PLCE1: variants seen among roughly 807,000 people sequenced by gnomAD.
PLCE1 encodes the protein phospholipase C epsilon 1, also known as 1-phosphatidylinositol 4,5-bisphosphate phosphodiesterase epsilon-1.
In PLCE1, 119 loss-of-function variants were observed where a neutral mutation model predicts 242.8. The ratio of observed to expected loss-of-function variants is 0.49; its 90% CI spans 0.42 to 0.57. The LOEUF is 0.57. Ranked by LOEUF, PLCE1 falls within the 20% of genes least tolerant of loss-of-function variation. The probability of loss-of-function intolerance (pLI) is 0.00; values close to 1 mark genes in which losing one functional copy is unlikely to be tolerated. For missense variants in PLCE1, 2,441 were observed against 2,788.8 expected (o/e 0.88, Z 2.81); for synonymous variants, 945 against 1,017.4 (o/e 0.93, Z 1.35).
intron 2 of PLCE1, chr10:94,104,620 T>A (rs2045658927): frequency 6.6e-6 from 1 of 152,204 alleles, no homozygotes; most frequent in South Asian, 2.1e-4. Context: ...CCAGGATTTA[T>A]TTCTTTTGAT....
chr10:94,063,734 G>C (rs1169696015), intron 2 of PLCE1, among the ~76,000 whole-genome samples: 1 of 152,174 alleles, frequency 6.6e-6, no homozygotes, highest in Non-Finnish European at 1.5e-5. Flanking sequence ...GTTGTGAGAA[G>C]TGTTTGAAGA....
chr10:94,195,927 A>G (rs1360995952), intron 4 of PLCE1, among the ~76,000 whole-genome samples: 1 of 152,172 alleles, frequency 6.6e-6, no homozygotes, highest in Non-Finnish European at 1.5e-5. Context: ...CCCATAAGAT[A>G]AAGAATTAGG....
At chr10:94,168,411 C>G (rs1339333735) in intron 3 of PLCE1, among the ~76,000 whole-genome samples, 2 of 152,186 alleles carry the variant, frequency 1.3e-5, no homozygotes, top group African/African-American at 2.4e-5. Flanking sequence ...GGTATTCCAG[C>G]TTTAAGGAAA....
At chr10:94,029,719 G>A (rs2061519368) in intron 1 of PLCE1, among the ~76,000 whole-genome samples, 2 of 152,270 alleles carry the variant, frequency 1.3e-5, no homozygotes, top group Admixed American at 6.5e-5. Context: ...AGGGGTAGTT[G>A]ATGACTCTTT....
At chr10:94,266,334 A>G (rs894313839) in intron 16 of PLCE1, among the ~76,000 whole-genome samples, 5 of 152,210 alleles carry the variant, frequency 3.3e-5, no homozygotes, top group African/African-American at 7.2e-5. Context: ...GGGAAAGCAT[A>G]GTAGAAAATG....
Position 94,012,599 on chromosome 10 carries a change from A to ACAGGG in PLCE1, c.-364-18075_-364-18071dup, listed in dbSNP as rs531429445. ...GACGGTGCAGCTTCCTCATCACCTC[A>ACAGGG]CAGGGCAGGGCAGTGCAGCAGCTGC... On this transcript the variant is annotated intron_variant, in intron 1 of 32. Transcript: ENST00000371380. Among the ~76,000 whole-genome samples the ACAGGG allele has an allele frequency of 1.0e-3, 155 of 152,188 alleles. 1 individual carries two copies. Among genetic ancestry groups the ACAGGG allele is most frequent in the Admixed American group, 2.6e-3 (40 of 15,292 alleles).
At chr10:94,054,721 G>A (rs1162211779) in intron 2 of PLCE1, among the ~76,000 whole-genome samples, 2 of 152,164 alleles carry the variant, frequency 1.3e-5, no homozygotes, top group African/African-American at 2.4e-5. Context: ...AAAGAAAAAT[G>A]CCGTGTTCAG....
chr10:94,273,234 T>C (rs898901466), intron 18 of PLCE1, among the ~76,000 whole-genome samples: 14 of 152,226 alleles, frequency 9.2e-5, no homozygotes, highest in African/African-American at 3.1e-4. Context: ...AAACTAACCT[T>C]ATTCTACAAA....
At chr10:94,172,537 C>A (rs758689581) in intron 4 of PLCE1, among the ~76,000 whole-genome samples, 1 of 152,128 alleles carries the variant, frequency 6.6e-6, no homozygotes, top group Non-Finnish European at 1.5e-5. Context: ...GTTACATAAA[C>A]ACTTTCTGGC....
chr10:94,172,242 C>T (rs1441419137), intron 4 of PLCE1, among the ~76,000 whole-genome samples: 1 of 152,114 alleles, frequency 6.6e-6, no homozygotes, highest in Non-Finnish European at 1.5e-5. Flanking sequence ...CCATGCAGTA[C>T]TGGGGTTGGG....
At chr10:94,155,738 G>A (rs1276760860) in intron 3 of PLCE1, 2 of 151,822 alleles carry the variant, frequency 1.3e-5, no homozygotes. Flanking sequence ...TGCTGCTGAA[G>A]TGAGCACAAA....
At chr10:94,036,596 C>A (rs2061668316) in intron 2 of PLCE1, among the ~76,000 whole-genome samples, 1 of 152,148 alleles carries the variant, frequency 6.6e-6, no homozygotes, top group East Asian at 1.9e-4. Context: ...GAAATTAAAA[C>A]CCTATCCCTT....
chr10:94,163,977 G>T (rs1156734456), intron 3 of PLCE1, among the ~76,000 whole-genome samples: 1 of 152,054 alleles, frequency 6.6e-6, no homozygotes, highest in Non-Finnish European at 1.5e-5. Flanking sequence ...TTGAATATTG[G>T]CCCCCACTCC....
intron 27 of PLCE1, among the ~76,000 whole-genome samples, chr10:94,309,418 C>T (rs2053311898): frequency 6.6e-6 from 1 of 152,062 alleles, no homozygotes; most frequent in Non-Finnish European, 1.5e-5. Flanking sequence ...GCAGCCTCGA[C>T]CTTCCTGGCT....
rs1294318113 is a variant in PLCE1, at chr10:94,132,158, T to G, written c.1207-16T>G. 2.5e-6 allele frequency: 4 copies of G among 1,612,636 alleles called. No individual in the cohort carries two copies. The South Asian group carries it at 4.4e-5, about 18-fold the overall frequency. On this transcript the variant is annotated splice_polypyrimidine_tract_variant and intron_variant, in intron 2 of 32. Coordinates refer to ENST00000371380, the MANE Select transcript of PLCE1 (RefSeq NM_016341.4). ...GAAACTAGATTAATACTTCCTGTAC[T>G]TTGTGCTATTCACAGATCTACAATG...
intron 2 of PLCE1, among the ~76,000 whole-genome samples, chr10:94,095,667 G>C (rs1590007863): frequency 2.6e-5 from 4 of 152,310 alleles, no homozygotes; most frequent in Admixed American, 1.3e-4. Flanking sequence ...CTAAAAGGTA[G>C]GGGAAAAGAA....
intron 4 of PLCE1, among the ~76,000 whole-genome samples, chr10:94,206,511 T>C (rs773160924): frequency 1.1e-4 from 17 of 152,378 alleles, no homozygotes; most frequent in East Asian, 3.9e-4. Context: ...CCAGTTGATA[T>C]GCGTAGCCAT....
chr10:94,051,286 C>CAA (rs869233995), intron 2 of PLCE1, among the ~76,000 whole-genome samples: 1,280 of 29,308 alleles, frequency 0.044, 311 homozygotes, highest in African/African-American at 0.094. Flanking sequence ...GACTCCAACT[C>CAA]AAAAAAAAAA....
intron 1 of PLCE1, among the ~76,000 whole-genome samples, chr10:94,008,556 G>A (rs185772392): frequency 6.6e-6 from 1 of 152,290 alleles, no homozygotes; most frequent in East Asian, 1.9e-4. Flanking sequence ...TGATCTGCCT[G>A]CCTCAGCCTC....
Sources: allele counts gnomAD v4.1 joint callset (sites outside exome capture counted in the v4.1 genomes callset), GRCh38; gene constraint gnomAD v4.1.1; transcripts MANE v1.5; gene names NCBI Gene and HGNC (gene_info 2026-07-23, HGNC 2026-07-21).